The following N4BP2 variants were observed in gnomAD, a reference collection of about 807,000 sequenced individuals.
The protein encoded by N4BP2 is NEDD4 binding protein 2.
A neutral mutation model predicts 152.8 loss-of-function variants in N4BP2; 91 were observed. That is an observed-to-expected ratio of 0.60 (90% CI 0.50 to 0.71). The LOEUF is 0.71. Among genes scored for constraint, N4BP2 ranks in the 30% least tolerant of loss-of-function variants. The probability of loss-of-function intolerance (pLI) is 0.00; values close to 1 mark genes in which losing one functional copy is unlikely to be tolerated. For missense variants in N4BP2, 1,923 were observed against 2,059.1 expected (o/e 0.93, Z 1.28); for synonymous variants, 646 against 705.3 (o/e 0.92, Z 1.33).
chr4:40,080,499 G>A (rs1713250689), intron 2 of N4BP2, among the ~76,000 whole-genome samples: 1 of 151,582 alleles, frequency 6.6e-6, no homozygotes, highest in Admixed American at 6.6e-5. Context: ...ACCACGCCCA[G>A]CTAATTTTTT....
chr4:40,148,587 C>T (rs1388207766), intron 16 of N4BP2, among the ~76,000 whole-genome samples: 2 of 152,074 alleles, frequency 1.3e-5, no homozygotes, highest in Admixed American at 6.5e-5. Flanking sequence ...AGTATAATGC[C>T]CTCCAGCCAC....
chr4:40,174,007 C>CA, the N4BP2 span, among the ~76,000 whole-genome samples: 2 of 151,790 alleles, frequency 1.3e-5, no homozygotes, highest in African/African-American at 2.4e-5. Context: ...ACTAAAACTA[C>CA]AAAAAAAGGT....
the N4BP2 span, among the ~76,000 whole-genome samples, chr4:40,173,171 C>G: frequency 6.7e-6 from 1 of 150,054 alleles, no homozygotes; most frequent in African/African-American, 2.5e-5. Context: ...AACCCCTTGT[C>G]CCCTTAGAGG....
intron 5 of N4BP2, among the ~76,000 whole-genome samples, chr4:40,109,856 T>C (rs1404226862): frequency 6.6e-6 from 1 of 152,226 alleles, no homozygotes; most frequent in Non-Finnish European, 1.5e-5. Context: ...ATTTAAATTG[T>C]ATAATTCAGT....
At chr4:40,144,512 A>G in intron 15 of N4BP2, 120 bp from the exon 16 acceptor site, 1 of 770,300 alleles carries the variant, frequency 1.3e-6, no homozygotes, top group Non-Finnish European at 2.0e-6. Flanking sequence ...TGCATTATTT[A>G]AGATTTTAGG....
chr4:40,068,916 C>A (rs1711843971), intron 1 of N4BP2, among the ~76,000 whole-genome samples: 1 of 151,948 alleles, frequency 6.6e-6, no homozygotes, highest in Non-Finnish European at 1.5e-5. Context: ...GTCAGGGGTT[C>A]AAGACCAGCC....
At chr4:40,188,356 T>A in the N4BP2 span, among the ~76,000 whole-genome samples, 31 of 152,322 alleles carry the variant, frequency 2.0e-4, no homozygotes, top group African/African-American at 7.2e-4. Context: ...AGATACTTAA[T>A]CTCTCTGTGC....
intron 12 of N4BP2, among the ~76,000 whole-genome samples, chr4:40,128,328 A>C (rs548291814): frequency 6.6e-6 from 1 of 152,308 alleles, no homozygotes; most frequent in African/African-American, 2.4e-5. Context: ...CATCCAGTTA[A>C]GGCATAGGGA....
chr4:40,116,375 G>A (rs578227961), intron 7 of N4BP2, among the ~76,000 whole-genome samples: 1 of 151,850 alleles, frequency 6.6e-6, no homozygotes, highest in East Asian at 1.9e-4. Context: ...TTCTGTGATT[G>A]TTCTTCTATT....
Position 40,057,485 on chromosome 4 carries a change from C to G in N4BP2, c.-212+455C>G, listed in dbSNP as rs539134248. Among the ~76,000 whole-genome samples the G allele has an allele frequency of 1.1e-3, 172 of 152,320 alleles. 1 individual carries two copies. The Middle Eastern group carries it at 0.017, about 15-fold the overall frequency. ...AGGCCACCTTCCTGAGCACATAGTC[C>G]TAGCAGAGCCGTTTATTTACTCAGT... On this transcript the variant is annotated intron_variant, in intron 1 of 17. Transcript: ENST00000261435.
rs1185013639 is a variant in N4BP2 at position 40,121,984 on chromosome 4, A to G, written c.3873A>G (p.Val1291=). The G allele has an allele frequency of 6.4e-7, 1 of 1,551,460 alleles. No individual in the cohort carries two copies. Among genetic ancestry groups the G allele is most frequent in the South Asian group, 1.2e-5 (1 of 83,406 alleles). Residue 1291 remains valine, a synonymous_variant, in exon 9 of 18, where the codon GTA becomes GTG. Transcript: ENST00000261435. ...PSHFSDIFNF[V]SSTSNLELNE... ...ATTTCTCTGATATTTTTAACTTTGT[A>G]TCTAGTACTTCAAATCTTGAATTAA...
intron 1 of N4BP2, among the ~76,000 whole-genome samples, chr4:40,072,729 C>CTT (rs748731332): frequency 2.1e-5 from 3 of 139,736 alleles, no homozygotes; most frequent in Non-Finnish European, 3.1e-5. Flanking sequence ...TTTTGTGGGA[C>CTT]TTTTTTTTTT....
intron 4 of N4BP2, among the ~76,000 whole-genome samples, chr4:40,104,513 G>A (rs1379124220): frequency 2.0e-5 from 3 of 151,774 alleles, no homozygotes; most frequent in African/African-American, 7.3e-5. Context: ...AGACATGTAG[G>A]CTTTTCTAAC....
At chr4:40,072,349 A>G (rs1460224657) in intron 1 of N4BP2, among the ~76,000 whole-genome samples, 1 of 149,588 alleles carries the variant, frequency 6.7e-6, no homozygotes. Context: ...TGGTTCAAGC[A>G]ATTCTCCTGC....
chr4:40,070,898 C>T (rs1190548400), intron 1 of N4BP2, among the ~76,000 whole-genome samples: 1 of 151,198 alleles, frequency 6.6e-6, no homozygotes, highest in Non-Finnish European at 1.5e-5. Flanking sequence ...GATCTTCGCT[C>T]ACTGCAACCT....
At chr4:40,164,900 T>C in the N4BP2 span, among the ~76,000 whole-genome samples, 2 of 152,218 alleles carry the variant, frequency 1.3e-5, no homozygotes, top group African/African-American at 4.8e-5. Flanking sequence ...GCTGATCTCT[T>C]TGCTGAGACT....
chr4:40,067,253 T>C (rs1422289623), intron 1 of N4BP2, among the ~76,000 whole-genome samples: 1 of 151,976 alleles, frequency 6.6e-6, no homozygotes, highest in Non-Finnish European at 1.5e-5. Flanking sequence ...TTTTGCCATG[T>C]TGCCCGGGCT....
chr4:40,097,676 T>A lies in N4BP2; in HGVS notation c.229+107T>A. 3 of 709,348 alleles carry A rather than the reference T, an allele frequency of 4.2e-6. No homozygotes were observed. The South Asian group carries it at 5.7e-5, about 13-fold the overall frequency. The allele number at this position is 709,348 out of a possible 1,614,324, so 43.9% of individuals were successfully genotyped here. On this transcript the variant is annotated intron_variant, in intron 3 of 17. Transcript: ENST00000261435. ...AAATGTCTTGTTTCTATTTTATTCATAATTTATTAATCATCTGCTGTTGGC... is the reference window on the plus strand; with the variant it reads ...AAATGTCTTGTTTCTATTTTATTCAAAATTTATTAATCATCTGCTGTTGGC...
In N4BP2 at chr4:40,146,974, G is replaced by C. The variant is rs1720595334; in HGVS notation, c.5143+2174G>C. On this transcript the variant is annotated intron_variant, in intron 16 of 17. Coordinates refer to ENST00000261435, the MANE Select transcript of N4BP2 (RefSeq NM_018177.6). ...TTTCTCGCAGAGGGGGATTTGGCAG[G>C]GTCATAGGACAATAGTGGAGGGAAG... 4.1e-5 allele frequency among the ~76,000 whole-genome samples: 6 copies of C among 147,750 alleles called. No homozygotes were observed. In the South Asian group the frequency reaches 1.3e-3, roughly 32 times the overall value.
Sources: allele counts gnomAD v4.1 joint callset (sites outside exome capture counted in the v4.1 genomes callset), GRCh38; gene constraint gnomAD v4.1.1; transcripts MANE v1.5; gene names NCBI Gene and HGNC (gene_info 2026-07-23, HGNC 2026-07-21).